BMPR2: variants seen among roughly 807,000 people sequenced by gnomAD.
BMPR2 encodes bone morphogenetic protein receptor type 2.
In BMPR2, 29 loss-of-function variants were observed where a neutral mutation model predicts 100.8. That is an observed-to-expected ratio of 0.29 (90% CI 0.21 to 0.39). The LOEUF is 0.39. Ranked by LOEUF, BMPR2 falls within the 10% of genes least tolerant of loss-of-function variation. BMPR2 has a pLI of 1.00. For missense variants in BMPR2, 1,011 were observed against 1,274.5 expected, an observed-to-expected ratio of 0.79 and a Z score of 3.15; for synonymous variants, 382 against 442.3, an observed-to-expected ratio of 0.86 and a Z score of 1.71.
chr2:202,522,310 A>T (rs1464838199), intron 7 of BMPR2, among the ~76,000 whole-genome samples: 3 of 152,106 alleles, frequency 2.0e-5, no homozygotes, highest in African/African-American at 7.2e-5. Flanking sequence ...GTTTGAGACC[A>T]GCCTGACCAA....
intron 1 of BMPR2, among the ~76,000 whole-genome samples, chr2:202,407,792 A>G (rs1275827035): frequency 6.6e-6 from 1 of 151,860 alleles, no homozygotes; most frequent in East Asian, 1.9e-4. Context: ...TTTATACTTT[A>G]TTCTGCATAA....
chr2:202,500,437 C>T (rs560284553), intron 3 of BMPR2, among the ~76,000 whole-genome samples: 1 of 152,312 alleles, frequency 6.6e-6, no homozygotes, highest in Admixed American at 6.5e-5. Context: ...ACAAGTTAGC[C>T]ATTTGTTGTC....
chr2:202,499,490 G>A (rs1243066486), intron 3 of BMPR2, among the ~76,000 whole-genome samples: 1 of 152,086 alleles, frequency 6.6e-6, no homozygotes, highest in Admixed American at 6.5e-5. Context: ...GTTGACCTGT[G>A]TTCTAGAAGG....
At chr2:202,403,690 TTATG>T (rs1297586356) in intron 1 of BMPR2, among the ~76,000 whole-genome samples, 2 of 152,184 alleles carry the variant, frequency 1.3e-5, no homozygotes, top group Non-Finnish European at 2.9e-5. Flanking sequence ...ACATTTTACT[TTATG>T]TGGATGTACA....
intron 1 of BMPR2, among the ~76,000 whole-genome samples, chr2:202,378,056 C>A (rs1323978604): frequency 6.6e-6 from 1 of 152,140 alleles, no homozygotes; most frequent in East Asian, 1.9e-4. Context: ...AGAAATGTTA[C>A]CGAATGAATA....
At chr2:202,445,675 G>T (rs967359276) in intron 1 of BMPR2, among the ~76,000 whole-genome samples, 2 of 149,000 alleles carry the variant, frequency 1.3e-5, no homozygotes, top group Admixed American at 1.3e-4. Context: ...GCCAGGGTTG[G>T]TCTCAAACTC....
intron 7 of BMPR2, among the ~76,000 whole-genome samples, chr2:202,528,292 A>T (rs1687956285): frequency 6.6e-6 from 1 of 152,180 alleles, no homozygotes; most frequent in Admixed American, 6.5e-5. Context: ...GCTTCATGCC[A>T]TTCTCCTGCC....
chr2:202,491,385 C>A (rs924503898), intron 3 of BMPR2, among the ~76,000 whole-genome samples: 4 of 152,008 alleles, frequency 2.6e-5, no homozygotes, highest in African/African-American at 9.7e-5. Context: ...CCAAGCTTTT[C>A]TGTCTATTCT....
At position 202,532,033 on chromosome 2, in the gene BMPR2, G is replaced by A. The variant is rs1024770958; in HGVS notation, c.1129-552G>A. Among the ~76,000 whole-genome samples, 2 of 132,100 alleles carry A rather than the reference G, an allele frequency of 1.5e-5. No homozygotes were observed. Among genetic ancestry groups the A allele is most frequent in the African/African-American group, 5.7e-5 (2 of 35,380 alleles). The allele number at this position is 132,100 out of a possible 152,430, so 86.7% of individuals were successfully genotyped here. On this transcript the variant is annotated intron_variant, in intron 8 of 12. Transcript: ENST00000374580. The surrounding 1 kb of genome is among the most constrained non-coding windows in gnomAD (Gnocchi z 4.1). ...TGGCTCACTGCAAGCTCCATCTCCC[G>A]GGTTCACGCTATTTTCCTGCCTCGG...
At chr2:202,435,142 C>T (rs978140326) in intron 1 of BMPR2, among the ~76,000 whole-genome samples, 36 of 144,412 alleles carry the variant, frequency 2.5e-4, no homozygotes, top group Non-Finnish European at 7.4e-5. Flanking sequence ...GGCAGATCAC[C>T]TGAGGTCAGG....
In BMPR2 at chr2:202,468,407, A is replaced by C. The variant is rs549954198; in HGVS notation, c.418+718A>C. ...GTTGGAGATTTGCTTGAGCCTAGGA[A>C]GTTGAAGCTGCAGCTATTGTGCCAC... On this transcript the variant is annotated intron_variant, in intron 3 of 12. Coordinates refer to ENST00000374580, the MANE Select transcript of BMPR2 (RefSeq NM_001204.7). Among the ~76,000 whole-genome samples the C allele has an allele frequency of 5.3e-5, 8 of 152,238 alleles. No individual in the cohort carries two copies. The South Asian group carries it at 1.7e-3, about 32-fold the overall frequency.
At position 202,389,960 on chromosome 2, in the gene BMPR2, C is replaced by A. The variant is rs569543845; in HGVS notation, c.76+12410C>A. ...TGGCCCATTAAAAAGGGTTTTTAAA[C>A]GATGATGATGGTGAAGTGTAGAAAT... On this transcript the variant is annotated intron_variant, in intron 1 of 12. Transcript: ENST00000374580. Among the ~76,000 whole-genome samples the A allele has an allele frequency of 9.5e-4, 138 of 145,372 alleles. 1 individual carries two copies. Among genetic ancestry groups the A allele is most frequent in the African/African-American group, 3.3e-3 (130 of 39,070 alleles).
At chr2:202,539,866 T>C (rs957984965) in intron 9 of BMPR2, among the ~76,000 whole-genome samples, 1 of 152,146 alleles carries the variant, frequency 6.6e-6, no homozygotes, top group Non-Finnish European at 1.5e-5. Context: ...TAAGATATTT[T>C]GGGCAGTTCT....
chr2:202,531,159 C>T (rs534560337), intron 8 of BMPR2, among the ~76,000 whole-genome samples: 2 of 152,176 alleles, frequency 1.3e-5, no homozygotes, highest in African/African-American at 2.4e-5. Context: ...AAAAATTAGC[C>T]GGGCACAGTG....
At chr2:202,531,041 G>A (rs1279838402) in intron 8 of BMPR2, 87 bp downstream of exon 8, 16 of 1,496,092 alleles carry the variant, frequency 1.1e-5, no homozygotes, top group Non-Finnish European at 1.3e-5. Context: ...GGTGGCTCAC[G>A]CCTGTAATCC....
intron 1 of BMPR2, among the ~76,000 whole-genome samples, chr2:202,385,732 T>G (rs1365384466): frequency 6.6e-6 from 1 of 152,032 alleles, no homozygotes; most frequent in Non-Finnish European, 1.5e-5. Context: ...TATATCTGTT[T>G]TTTTTACATA....
chr2:202,428,360 G>A (rs1432042852), intron 1 of BMPR2, among the ~76,000 whole-genome samples: 2 of 150,744 alleles, frequency 1.3e-5, no homozygotes, highest in Non-Finnish European at 3.0e-5. Context: ...CCCCGCAGTC[G>A]AGTCTGTCTC....
Position 202,560,020 on chromosome 2 carries a change from A to C in BMPR2, c.*74A>C. 1 of 1,594,498 alleles carries C rather than the reference A, an allele frequency of 6.3e-7. No homozygotes were observed. ...ATGCAGAAGATGTTTAAAAATAAAAAAAAAACTGCTTTATCCTCCTGTCAG... is the reference window on the plus strand; with the variant it reads ...ATGCAGAAGATGTTTAAAAATAAAACAAAAACTGCTTTATCCTCCTGTCAG... On this transcript the variant is annotated 3_prime_UTR_variant, in exon 13 of 13. Transcript: ENST00000374580.
intron 1 of BMPR2, among the ~76,000 whole-genome samples, chr2:202,457,178 T>A (rs939486527): frequency 6.6e-6 from 1 of 152,158 alleles, no homozygotes; most frequent in Non-Finnish European, 1.5e-5. Flanking sequence ...GAGACACTAG[T>A]ATTAGCATCT....
Sources: gnomAD v4.1 joint callset for allele counts (sites outside exome capture counted in the v4.1 genomes callset) on GRCh38, gnomAD v4.1.1 for gene constraint, Gnocchi (gnomAD v3.1) non-coding constraint, MANE v1.5 for transcripts, NCBI Gene and HGNC (gene_info 2026-07-23, HGNC 2026-07-21) for gene names.